The following ACER2 variants were observed in gnomAD, a reference collection of about 807,000 sequenced individuals.
The protein encoded by ACER2 is alkaline ceramidase 2.
ACER2 carries 26 observed loss-of-function variants against 34.7 expected under a neutral mutation model. The ratio of observed to expected loss-of-function variants is 0.75; its 90% confidence interval spans 0.55 to 1.04. The LOEUF (loss-of-function observed/expected upper bound fraction) is 1.04. Ranked by LOEUF, ACER2 falls within the 50% of genes least tolerant of loss-of-function variation. The probability of loss-of-function intolerance (pLI) is 0.00; values close to 1 mark genes in which losing one functional copy is unlikely to be tolerated. For missense variants in ACER2, 352 were observed against 340.8 expected, an observed-to-expected ratio of 1.03 and a Z score of -0.26; for synonymous variants, 138 against 132.1, an observed-to-expected ratio of 1.04 and a Z score of -0.31.
intron 3 of ACER2, among the ~76,000 whole-genome samples, chr9:19,431,990 T>C (rs919348045): frequency 9.2e-5 from 14 of 152,210 alleles, no homozygotes; most frequent in African/African-American, 3.1e-4. Context: ...TACTCCTAAA[T>C]TGAAGTCATG....
chr9:19,431,819 T>A (rs904871970), intron 3 of ACER2, among the ~76,000 whole-genome samples: 2 of 152,260 alleles, frequency 1.3e-5, no homozygotes, highest in African/African-American at 4.8e-5. Context: ...ATGGCTTTCG[T>A]ATTTAAAAGA....
chr9:19,446,495 G>A (rs1404370650), intron 5 of ACER2, 77 bp downstream of exon 5: 127 of 1,599,850 alleles, frequency 7.9e-5, no homozygotes, highest in Non-Finnish European at 1.0e-4. Context: ...CACCCTGCAA[G>A]TGGTGCACAG....
At chr9:19,421,206 C>T (rs1243458157) in intron 1 of ACER2, among the ~76,000 whole-genome samples, 2 of 152,148 alleles carry the variant, frequency 1.3e-5, no homozygotes, top group Non-Finnish European at 2.9e-5. Context: ...AATATGGGTC[C>T]ACTGTCATAT....
At chr9:19,434,139 G>A (rs537219559) in intron 3 of ACER2, among the ~76,000 whole-genome samples, 7 of 148,414 alleles carry the variant, frequency 4.7e-5, no homozygotes, top group South Asian at 4.3e-4. Flanking sequence ...CAGACAGGGC[G>A]GCGGGGCAGA....
chr9:19,450,681 G>C lies in ACER2; in HGVS notation c.*45G>C. 4.0e-6 allele frequency: 6 copies of C among 1,483,358 alleles called. No homozygotes were observed. The highest frequency in any genetic ancestry group is 5.5e-6 in the Non-Finnish European group (6 of 1,096,252). 91.9% of individuals were successfully genotyped at this position (1,483,358 alleles called of 1,614,324 possible). A position where few individuals can be genotyped will look rare whatever the true frequency, so the allele number is the denominator to read the frequency against. ...TTCTCTGCTTATCGCCCCTCATGCA[G>C]TGGGCTTCCTTTGCTAGGAAGACAG... On this transcript the variant is annotated 3_prime_UTR_variant, in exon 6 of 6. Transcript: ENST00000340967.
chr9:19,421,106 A>G (rs1830391344), intron 1 of ACER2, among the ~76,000 whole-genome samples: 1 of 152,210 alleles, frequency 6.6e-6, no homozygotes, highest in South Asian at 2.1e-4. Context: ...CACTGTAGGC[A>G]ACTGTAACAC....
In ACER2 at chr9:19,446,270, C is replaced by T. The variant is rs202218367; in HGVS notation, c.504-11C>T. ...GTCTGACGATGAGTGACTCTCTGGACCCCCGTGCAGGTGTGACAACATGCG... is the reference window on the plus strand; with the variant it reads ...GTCTGACGATGAGTGACTCTCTGGATCCCCGTGCAGGTGTGACAACATGCG... On this transcript the variant is annotated splice_polypyrimidine_tract_variant and intron_variant, in intron 4 of 5. Transcript: ENST00000340967. 57 of 1,614,082 alleles carry T rather than the reference C, an allele frequency of 3.5e-5. No homozygotes were observed. The Middle Eastern group carries it at 6.6e-4, about 19-fold the overall frequency.
chr9:19,411,997 C>T (rs964099205), intron 1 of ACER2, among the ~76,000 whole-genome samples: 7 of 152,196 alleles, frequency 4.6e-5, no homozygotes, highest in African/African-American at 1.7e-4. Flanking sequence ...GAGCATAGCA[C>T]AGCTGAAGTC....
intron 5 of ACER2, chr9:19,446,722 G>A (rs572352119): frequency 1.3e-6 from 1 of 796,894 alleles, no homozygotes; most frequent in East Asian, 1.3e-4. Context: ...TGTAACCTGA[G>A]CTCTAGCTAG....
At chr9:19,410,606 A>T (rs1470148579) in intron 1 of ACER2, among the ~76,000 whole-genome samples, 1 of 152,170 alleles carries the variant, frequency 6.6e-6, no homozygotes, top group African/African-American at 2.4e-5. Flanking sequence ...GCTACTTGGG[A>T]AGCTGAGGTG....
chr9:19,430,466 T>G (rs1012256335), intron 3 of ACER2, among the ~76,000 whole-genome samples: 18 of 152,170 alleles, frequency 1.2e-4, no homozygotes, highest in African/African-American at 3.6e-4. Flanking sequence ...CCTGGATATT[T>G]CTAGCTCTCT....
At chr9:19,449,515 C>A (rs374140018) in intron 5 of ACER2, among the ~76,000 whole-genome samples, 10 of 152,236 alleles carry the variant, frequency 6.6e-5, no homozygotes, top group African/African-American at 2.4e-4. Flanking sequence ...ATCTGTTAAT[C>A]TTTTCTATAG....
At chr9:19,450,415 C>G (rs1405379188) in intron 5 of ACER2, 35 bp from the exon 6 acceptor site, 1 of 1,543,494 alleles carries the variant, frequency 6.5e-7, no homozygotes, top group East Asian at 2.3e-5. Context: ...AGTCTTCATG[C>G]TCATCAGGTT....
intron 1 of ACER2, among the ~76,000 whole-genome samples, chr9:19,423,116 G>A (rs1282347496): frequency 6.6e-6 from 1 of 151,814 alleles, no homozygotes; most frequent in Non-Finnish European, 1.5e-5. Context: ...GTGGTGGGAG[G>A]ATCACTTCAG....
chr9:19,416,228 G>C (rs1161708223), intron 1 of ACER2, among the ~76,000 whole-genome samples: 2 of 151,866 alleles, frequency 1.3e-5, no homozygotes, highest in Non-Finnish European at 2.9e-5. Flanking sequence ...TCCTTTTATT[G>C]CTAGTTTAAC....
chr9:19,423,986 G>A lies in ACER2; in HGVS notation c.223+10G>A. On this transcript the variant is annotated intron_variant, in intron 2 of 5. Coordinates refer to ENST00000340967, the MANE Select transcript of ACER2 (RefSeq NM_001010887.3). ...CTTTTGGTTGTAGTGGGTAAGTGGA[G>A]TCATTTGGGAACACGGACTTAATGG... The A allele has an allele frequency of 6.3e-7, 1 of 1,594,016 alleles. No individual in the cohort carries two copies. Among genetic ancestry groups the A allele is most frequent in the East Asian group, 2.2e-5 (1 of 44,762 alleles).
chr9:19,422,302 GAA>G (rs1044760946), intron 1 of ACER2, among the ~76,000 whole-genome samples: 2 of 140,998 alleles, frequency 1.4e-5, no homozygotes, highest in Admixed American at 7.1e-5. Context: ...CTGTCTCTAA[GAA>G]AAAAAAAAAG....
In ACER2 at chr9:19,423,970, G is replaced by A; in HGVS notation, c.217G>A (p.Val73Ile). ...CTACTTAATCTGGACTCTTTTGGTT[G>A]TAGTGGGTAAGTGGAGTCATTTGGG... is the stretch of plus-strand genomic sequence containing the variant. ...GIYLIWTLLV[V>I]VGIGSVYFHA... Residue 73 changes from valine to isoleucine, a missense_variant, in exon 2 of 6, where the codon GTA becomes ATA. By Grantham distance (29) the Val-to-Ile change is conservative. Transcript: ENST00000340967. The A allele has an allele frequency of 6.2e-7, 1 of 1,612,170 alleles. No individual in the cohort carries two copies. Among genetic ancestry groups the A allele is most frequent in the Non-Finnish European group, 8.5e-7 (1 of 1,178,262 alleles).
At chr9:19,416,512 TA>T (rs1437558868) in intron 1 of ACER2, among the ~76,000 whole-genome samples, 1 of 152,120 alleles carries the variant, frequency 6.6e-6, no homozygotes, top group East Asian at 1.9e-4. Flanking sequence ...GGATGGTTTT[TA>T]TTTATTTTTA....
Sources: gnomAD v4.1 joint callset for allele counts (sites outside exome capture counted in the v4.1 genomes callset) on GRCh38, gnomAD v4.1.1 for gene constraint, MANE v1.5 for transcripts, NCBI Gene and HGNC (gene_info 2026-07-23, HGNC 2026-07-21) for gene names.